The following STAB2 variants were observed in gnomAD, a reference collection of about 807,000 sequenced individuals.
STAB2 encodes the protein stabilin 2, also known as stabilin-2.
STAB2 carries 288 observed loss-of-function variants against 338.1 expected under a neutral mutation model. The observed-to-expected ratio is 0.85, with a 90% CI of 0.77 to 0.94. STAB2 has a LOEUF of 0.94. STAB2 is among the 40% of genes least tolerant of loss of function. The probability of loss-of-function intolerance (pLI) is 0.00; values close to 1 mark genes in which losing one functional copy is unlikely to be tolerated. For missense variants in STAB2, 3,141 were observed against 3,210.1 expected (o/e 0.98, Z 0.52); for synonymous variants, 1,202 against 1,193.3 (o/e 1.01, Z -0.15).
chr12:103,610,895 T>G (rs1000256487), intron 3 of STAB2, among the ~76,000 whole-genome samples: 3 of 152,246 alleles, frequency 2.0e-5, no homozygotes, highest in African/African-American at 7.2e-5. Flanking sequence ...GTGTCTTTGT[T>G]CTCATTGGTT....
In STAB2 at chr12:103,690,677, C is replaced by G. The variant is rs1168364316; in HGVS notation, c.3297+139C>G. 4.6e-6 allele frequency: 3 copies of G among 658,102 alleles called. No homozygotes were observed. The African/African-American group carries it at 5.5e-5, about 12-fold the overall frequency. 40.8% of individuals were successfully genotyped at this position (658,102 alleles called of 1,614,324 possible). On this transcript the variant is annotated intron_variant, in intron 30 of 68. Transcript: ENST00000388887. ...CAGAATCCCTCATGTGGGCATCACC[C>G]AGCTGCAATAATTATCATCATATAT...
chr12:103,676,704 T>A (rs1052195731), intron 24 of STAB2, among the ~76,000 whole-genome samples: 6 of 152,172 alleles, frequency 3.9e-5, no homozygotes, highest in African/African-American at 1.4e-4. Flanking sequence ...ATGATCGCCA[T>A]CCCCACCTGA....
chr12:103,649,356 C>T (rs1873568218), intron 10 of STAB2, among the ~76,000 whole-genome samples: 1 of 152,154 alleles, frequency 6.6e-6, no homozygotes, highest in Admixed American at 6.5e-5. Context: ...CACCTCCAGC[C>T]CCCCAGGCAA....
At chr12:103,651,314 A>AT (rs10669870) in intron 11 of STAB2, among the ~76,000 whole-genome samples, 43,336 of 132,572 alleles carry the variant, frequency 0.33, 8,331 homozygotes, top group East Asian at 0.62. Context: ...CCTGATCTTG[A>AT]TTTTTTTTTT....
At chr12:103,707,052 A>G in intron 38 of STAB2, 65 bp downstream of exon 38, 2 of 1,566,090 alleles carry the variant, frequency 1.3e-6, no homozygotes, top group Non-Finnish European at 1.7e-6. Context: ...ATGCAGGGAA[A>G]GAGTGATCCC....
chr12:103,612,241 G>T (rs1957135776), intron 3 of STAB2, among the ~76,000 whole-genome samples: 1 of 152,318 alleles, frequency 6.6e-6, no homozygotes, highest in Admixed American at 6.5e-5. Context: ...TGCCTTGCTA[G>T]ATTAGGGAAG....
chr12:103,763,354 G>T (rs1884682967), intron 67 of STAB2, 138 bp from the exon 68 acceptor site: 1 of 676,156 alleles, frequency 1.5e-6, no homozygotes, highest in East Asian at 2.5e-5. Context: ...TATTATATGT[G>T]AATCATCTCT....
At chr12:103,758,068 C>A in intron 63 of STAB2, 102 bp from the exon 64 acceptor site, 6 of 1,539,732 alleles carry the variant, frequency 3.9e-6, no homozygotes, top group Non-Finnish European at 5.3e-6. Context: ...TGGCTCACAC[C>A]ATGAATATTC....
Position 103,729,031 on chromosome 12 carries a change from A to G in STAB2, c.5082+36A>G, listed in dbSNP as rs1161875140. 3 of 1,608,796 alleles carry G rather than the reference A, an allele frequency of 1.9e-6. No individual in the cohort carries two copies. In the African/African-American group the frequency reaches 4.0e-5, roughly 21 times the overall value. ...GTTATCCTTAGGTCCTCTCTCCCCT[A>G]GATCATGTCCTTTGCAGGAACCTGG... On this transcript the variant is annotated intron_variant, in intron 48 of 68. Transcript: ENST00000388887.
chr12:103,704,816 A>G (rs980468998), intron 36 of STAB2: 2 of 499,052 alleles, frequency 4.0e-6, no homozygotes, highest in Non-Finnish European at 7.0e-6. Context: ...ATAAACATAA[A>G]TGGGTTCATA....
In STAB2 at chr12:103,750,658, G is replaced by T; in HGVS notation, c.6518G>T (p.Arg2173Leu). Reference protein sequence around the residue: ...NCEPEQLPIDRCLQDNGQCHA... With the variant: ...NCEPEQLPIDLCLQDNGQCHA... ...GAGCCGGAGCAGCTGCCCATTGACC[G>T]CTGCTTACAGGACAATGGGCAGTGC... Residue 2173 changes from arginine (R) to leucine (L), a missense_variant, in exon 60 of 69, where the codon CGC (arginine) becomes CTC (leucine). Coordinates refer to ENST00000388887, the MANE Select transcript of STAB2 (RefSeq NM_017564.10). 6.2e-7 allele frequency: 1 copy of T among 1,614,210 alleles called. No homozygotes were observed. Among genetic ancestry groups the T allele is most frequent in the Non-Finnish European group, 8.5e-7 (1 of 1,180,032 alleles).
In STAB2 at chr12:103,652,496, A is replaced by G. The variant is rs941703530; in HGVS notation, c.1258-60A>G. The G allele has an allele frequency of 3.4e-6, 5 of 1,464,376 alleles. No individual in the cohort carries two copies. The African/African-American group carries it at 4.3e-5, about 12-fold the overall frequency. The allele number at this position is 1,464,376 out of a possible 1,614,324, so 90.7% of individuals were successfully genotyped here. A position where few individuals can be genotyped will look rare whatever the true frequency, so the allele number is the denominator to read the frequency against. On this transcript the variant is annotated intron_variant, in intron 11 of 68. Transcript: ENST00000388887. ...TCTTTGATAATAAGTAAGGCACAGCATGTGTTACAAAACTCATTTTCTTCT... is the reference window on the plus strand; with the variant it reads ...TCTTTGATAATAAGTAAGGCACAGCGTGTGTTACAAAACTCATTTTCTTCT...
At chr12:103,692,370 G>A (rs1878006162) in intron 30 of STAB2, among the ~76,000 whole-genome samples, 1 of 148,524 alleles carries the variant, frequency 6.7e-6, no homozygotes, top group African/African-American at 2.4e-5. Context: ...TAGGGGTTAG[G>A]ATTTCAGTAT....
chr12:103,735,907 C>CT (rs1882083794), intron 52 of STAB2, among the ~76,000 whole-genome samples: 1 of 152,100 alleles, frequency 6.6e-6, no homozygotes, highest in Non-Finnish European at 1.5e-5. Context: ...AGTATACAGT[C>CT]ATTCCTTTCT....
chr12:103,690,937 C>G (rs950310798), intron 30 of STAB2, among the ~76,000 whole-genome samples: 9 of 152,200 alleles, frequency 5.9e-5, no homozygotes, highest in African/African-American at 2.2e-4. Flanking sequence ...TCTATATATA[C>G]TCAATCTTTA....
intron 51 of STAB2, among the ~76,000 whole-genome samples, chr12:103,733,972 C>G (rs1881866183): frequency 7.0e-6 from 1 of 143,356 alleles, no homozygotes; most frequent in South Asian, 2.2e-4. Context: ...CATAGGGGAG[C>G]AGCACAGTCA....
chr12:103,632,304 A>G (rs967205142), intron 6 of STAB2, among the ~76,000 whole-genome samples: 2 of 152,264 alleles, frequency 1.3e-5, no homozygotes, highest in Admixed American at 6.5e-5. Context: ...GAGCAGCTGT[A>G]AAAATGCAAA....
Position 103,654,245 on chromosome 12 carries a change from T to A in STAB2, c.1408-310T>A, listed in dbSNP as rs77360073. ...GACACTAAAGTGAGTGATGAATTTATAGTAAATTAAATAGTTTTGTCCTTA... is the reference window on the plus strand; with the variant it reads ...GACACTAAAGTGAGTGATGAATTTAAAGTAAATTAAATAGTTTTGTCCTTA... On this transcript the variant is annotated intron_variant, in intron 12 of 68. Coordinates refer to ENST00000388887, the MANE Select transcript of STAB2 (RefSeq NM_017564.10). Among the ~76,000 whole-genome samples the A allele has an allele frequency of 1.6e-3, 246 of 152,352 alleles. 2 individuals are homozygous for A. The highest frequency in any genetic ancestry group is 2.8e-3 in the Non-Finnish European group (188 of 68,026).
At chr12:103,699,972 C>A (rs1009408209) in intron 34 of STAB2, among the ~76,000 whole-genome samples, 11 of 152,148 alleles carry the variant, frequency 7.2e-5, no homozygotes, top group African/African-American at 2.7e-4. Flanking sequence ...GGCTCCAGGG[C>A]ATAAGAGCCC....
Sources: gnomAD v4.1 joint callset for allele counts (sites outside exome capture counted in the v4.1 genomes callset) on GRCh38, gnomAD v4.1.1 for gene constraint, MANE v1.5 for transcripts, NCBI Gene and HGNC (gene_info 2026-07-23, HGNC 2026-07-21) for gene names.